Variants in PNPLA2 observed in about 807,000 individuals in gnomAD.
PNPLA2 encodes the protein patatin-like phospholipase domain-containing protein 2.
A neutral mutation model predicts 39.7 loss-of-function variants in PNPLA2; 28 were observed. That is an observed-to-expected ratio of 0.70 (90% CI 0.52 to 0.97). The LOEUF (loss-of-function observed/expected upper bound fraction) is 0.97, where lower values mean the gene tolerates loss of function less well. PNPLA2 is among the 50% of genes least tolerant of loss of function. The pLI, the probability that PNPLA2 is intolerant of heterozygous loss-of-function variation, is 0.00. For synonymous variants in PNPLA2, 392 were observed against 321.1 expected, an observed-to-expected ratio of 1.22 and a Z score of -2.36; for missense variants, 768 against 698.2, an observed-to-expected ratio of 1.10 and a Z score of -1.13.
chr11:824,885 C>T lies in PNPLA2; in HGVS notation c.*23C>T. ...TGAGACCCCGACCCTCTCGAGGAACCCTGCCTGAGACGCCTCCATTACCAC... is the reference window on the plus strand; with the variant it reads ...TGAGACCCCGACCCTCTCGAGGAACTCTGCCTGAGACGCCTCCATTACCAC... On this transcript the variant is annotated 3_prime_UTR_variant, in exon 10 of 10. Transcript: ENST00000336615. 15 of 1,512,096 alleles carry T rather than the reference C, an allele frequency of 9.9e-6. No individual in the cohort carries two copies. Among genetic ancestry groups the T allele is most frequent in the Non-Finnish European group, 1.3e-5 (15 of 1,125,420 alleles). 93.7% of individuals were successfully genotyped at this position (1,512,096 alleles called of 1,614,324 possible).
Position 819,706 on chromosome 11 carries a change from G to GGCC in PNPLA2, c.-4_-2dup, listed in dbSNP as rs781117901. 18 of 1,477,714 alleles carry GGCC rather than the reference G, an allele frequency of 1.2e-5. No individual in the cohort carries two copies. Among genetic ancestry groups the GGCC allele is most frequent in the Non-Finnish European group, 1.4e-5 (16 of 1,114,942 alleles). The allele number at this position is 1,477,714 out of a possible 1,614,324, so 91.5% of individuals were successfully genotyped here. ...CCGCCCACGGAACCCGGGGCCCGGC[G>GGCC]GCCGCCGCCGCGATGTTTCCCCGCG... is the stretch of plus-strand genomic sequence containing the variant. On this transcript the variant is annotated 5_prime_UTR_variant, in exon 2 of 10. Transcript: ENST00000336615.
rs150385364 is a variant in PNPLA2 at position 824,021 on chromosome 11, C to T, written c.943C>T (p.Pro315Ser). 6.0e-4 allele frequency: 967 copies of T among 1,609,606 alleles called. 1 individual carries two copies. Among genetic ancestry groups the T allele is most frequent in the South Asian group, 9.2e-4 (83 of 90,652 alleles). ...AGCCCTGCTGGAGGCCTGCGTGGAG[C>T]CCACGGACCTGCTGACCACCCTCTC... Reference protein sequence around the residue: ...NEALLEACVEPTDLLTTLSNM... With the variant: ...NEALLEACVESTDLLTTLSNM... The change falls in exon 8 of 10, where the codon CCC (proline) becomes TCC (serine). Residue 315 changes from proline (P) to serine (S), a missense_variant. By Grantham distance (74) the Pro-to-Ser change is moderately conservative. Coordinates refer to ENST00000336615, the MANE Select transcript of PNPLA2 (RefSeq NM_020376.4).
Position 824,762 on chromosome 11 carries a change from CG to C in PNPLA2, c.1417del (p.Asp473ThrfsTer16). 1 of 1,556,064 alleles carries C rather than the reference CG, an allele frequency of 6.4e-7. No individual in the cohort carries two copies. Among genetic ancestry groups the C allele is most frequent in the South Asian group, 1.2e-5 (1 of 86,098 alleles). On this transcript the variant is annotated frameshift_variant, in exon 10 of 10. Transcript: ENST00000336615. LOFTEE classifies it low-confidence loss of function (END_TRUNC). ...RAPADPAPAP[A>X]DPASPQHQLA... ...CCCGCCGACCCGGCTCCCGCCCCCG[CG>C]GACCCAGCATCCCCGCAGCACCAGC...
Position 823,696 on chromosome 11 carries a change from C to T in PNPLA2, c.760C>T (p.Leu254Phe). Residue 254 changes from leucine (L) to phenylalanine (F), a missense_variant and splice_region_variant, in exon 7 of 10, where the codon CTC becomes TTC. Leu to Phe is a conservative substitution (Grantham distance 22). Transcript: ENST00000336615. ...DGLRFLQRNGLLNRPNPLLAL... is the reference protein window; with the variant it reads ...DGLRFLQRNGFLNRPNPLLAL... ...ATCCCTTCTCTCCCCAACCCCAGGC[C>T]TCCTGAACCGGCCCAACCCCTTGCT... 1.2e-6 allele frequency: 2 copies of T among 1,606,830 alleles called. No homozygotes were observed. Among genetic ancestry groups the T allele is most frequent in the Non-Finnish European group, 1.7e-6 (2 of 1,177,248 alleles).
chr11:824,246 A>G, intron 8 of PNPLA2, 68 bp from the exon 9 acceptor site: 1 of 1,548,462 alleles, frequency 6.5e-7, no homozygotes, highest in South Asian at 1.2e-5. Flanking sequence ...CAGGGCACAG[A>G]CAGGGCCCGG....
At chr11:819,134 TCC>T (rs1262528587) in intron 1 of PNPLA2, among the ~76,000 whole-genome samples, 176 bp downstream of exon 1, 2 of 152,188 alleles carry the variant, frequency 1.3e-5, no homozygotes, top group East Asian at 1.9e-4. Context: ...GTCCCGGGGC[TCC>T]CGAGGCCTGT....
rs1453636538 is a variant in PNPLA2 at position 825,248 on chromosome 11, C to T, written c.*386C>T. The T allele has an allele frequency of 1.6e-5, 5 of 315,656 alleles. No homozygotes were observed. Among genetic ancestry groups the T allele is most frequent in the Non-Finnish European group, 3.0e-5 (5 of 166,756 alleles). 19.6% of individuals were successfully genotyped at this position (315,656 alleles called of 1,614,324 possible). ...TGCCCACTTTGTGTGTATGTGACCG[C>T]CTGCTTACTTGCAGTGAGAGCCTGG... On this transcript the variant is annotated 3_prime_UTR_variant, in exon 10 of 10. Coordinates refer to ENST00000336615, the MANE Select transcript of PNPLA2 (RefSeq NM_020376.4).
At position 823,709 on chromosome 11, in the gene PNPLA2, C is replaced by G; in HGVS notation, c.773C>G (p.Pro258Arg). 6.2e-7 allele frequency: 1 copy of G among 1,608,078 alleles called. No homozygotes were observed. Among genetic ancestry groups the G allele is most frequent in the Non-Finnish European group, 8.5e-7 (1 of 1,177,886 alleles). The change falls in exon 7 of 10, where the codon CCC becomes CGC. Residue 258 changes from proline to arginine, a missense_variant. Coordinates refer to ENST00000336615, the MANE Select transcript of PNPLA2 (RefSeq NM_020376.4). ...CCAACCCCAGGCCTCCTGAACCGGC[C>G]CAACCCCTTGCTGGCGTTGCCCCCC... The part of the protein sequence containing the change: ...FLQRNGLLNR[P>R]NPLLALPPAR...
At position 824,892 on chromosome 11, in the gene PNPLA2, G is replaced by C. The variant is rs1405001797; in HGVS notation, c.*30G>C. The C allele has an allele frequency of 6.7e-7, 1 of 1,496,066 alleles. No individual in the cohort carries two copies. The highest frequency in any genetic ancestry group is 9.0e-7 in the Non-Finnish European group (1 of 1,110,804). The allele number at this position is 1,496,066 out of a possible 1,614,324, so 92.7% of individuals were successfully genotyped here. ...CCGACCCTCTCGAGGAACCCTGCCT[G>C]AGACGCCTCCATTACCACTGCGCAG... On this transcript the variant is annotated 3_prime_UTR_variant, in exon 10 of 10. Coordinates refer to ENST00000336615, the MANE Select transcript of PNPLA2 (RefSeq NM_020376.4).
At position 825,066 on chromosome 11, in the gene PNPLA2, C is replaced by G. The variant is rs1056239470; in HGVS notation, c.*204C>G. 1.6e-6 allele frequency: 1 copy of G among 607,666 alleles called. No homozygotes were observed. The highest frequency in any genetic ancestry group is 2.9e-6 in the Non-Finnish European group (1 of 339,878). The allele number at this position is 607,666 out of a possible 1,614,324, so 37.6% of individuals were successfully genotyped here. A position where few individuals can be genotyped will look rare whatever the true frequency, so the allele number is the denominator to read the frequency against. On this transcript the variant is annotated 3_prime_UTR_variant, in exon 10 of 10. Transcript: ENST00000336615. ...CCGCGCACCTGTGCCTTAATCTTCC[C>G]TCCCCTGTGCTGCCCGAGCACCTCC... is the stretch of plus-strand genomic sequence containing the variant.
In PNPLA2 at chr11:823,568, G is replaced by A. The variant is rs766108538; in HGVS notation, c.738G>A (p.Leu246=). ...GCAAGCAGGGATACCGGGATGGCCTGCGCTTTCTGCAGCGGAACGGTGCGC... is the reference window on the plus strand; with the variant it reads ...GCAAGCAGGGATACCGGGATGGCCTACGCTTTCTGCAGCGGAACGGTGCGC... The part of the protein sequence containing the change: ...EMCKQGYRDG[L]RFLQRNGLLN... Residue 246 remains leucine, a synonymous_variant, in exon 6 of 10, where the codon CTG becomes CTA. Transcript: ENST00000336615. The A allele has an allele frequency of 8.7e-6, 14 of 1,611,226 alleles. No homozygotes were observed. Among genetic ancestry groups the A allele is most frequent in the Non-Finnish European group, 1.2e-5 (14 of 1,179,226 alleles).
chr11:824,146 G>A lies in PNPLA2; in HGVS notation c.1052+16G>A. The stretch of plus-strand genomic sequence containing the variant: ...TCACCATCCGGTGTGAGGGCTGGGG[G>A]GTCGGGAGAGGGGCCCAGGGGACGG... On this transcript the variant is annotated intron_variant, in intron 8 of 9. Transcript: ENST00000336615. The A allele has an allele frequency of 1.3e-6, 2 of 1,585,322 alleles. No homozygotes were observed. Among genetic ancestry groups the A allele is most frequent in the African/African-American group, 1.3e-5 (1 of 74,744 alleles).
chr11:822,483 T>A lies in PNPLA2; in HGVS notation c.573T>A (p.Ser191Arg). 2 of 1,613,946 alleles carry A rather than the reference T, an allele frequency of 1.2e-6. No homozygotes were observed. The highest frequency in any genetic ancestry group is 1.7e-6 in the Non-Finnish European group (2 of 1,179,938). Residue 191 changes from serine (S) to arginine (R), a missense_variant, in exon 5 of 10, where the codon AGT becomes AGA. Physicochemically the swap from Ser to Arg is moderately radical, Grantham distance 110. Coordinates refer to ENST00000336615, the MANE Select transcript of PNPLA2 (RefSeq NM_020376.4). ...CAGTGTCCCCCTTCTCGGGCGAGAG[T>A]GACATCTGTCCGCAGGACAGCTCCA... is the stretch of plus-strand genomic sequence containing the variant. ...TITVSPFSGE[S>R]DICPQDSSTN...
In PNPLA2 at chr11:824,716, GAAGC is replaced by G; in HGVS notation, c.1370_1373del (p.Glu457ValfsTer31). 1 of 1,587,614 alleles carries G rather than the reference GAAGC, an allele frequency of 6.3e-7. No homozygotes were observed. ...CTGCACCAACGTGGCCTTCCCGCCC[GAAGC>G]TCTGCGCATGCGCGCACCCGCCGAC... On this transcript the variant is annotated frameshift_variant, in exon 10 of 10. Coordinates refer to ENST00000336615, the MANE Select transcript of PNPLA2 (RefSeq NM_020376.4). LOFTEE classifies it low-confidence loss of function (END_TRUNC).
In PNPLA2 at chr11:819,892, C is replaced by G; in HGVS notation, c.174C>G (p.Thr58=). ...AGALTATALV[T]GVCLGEAGAK... Reference sequence around the variant, plus strand: ...CGCTCACGGCCACGGCGCTGGTCACCGGGGTCTGCCTGGGTGAGCGGGGCC... The same window carrying G: ...CGCTCACGGCCACGGCGCTGGTCACGGGGGTCTGCCTGGGTGAGCGGGGCC... The change falls in exon 2 of 10, where the codon ACC becomes ACG. Residue 58 remains threonine, a synonymous_variant. Coordinates refer to ENST00000336615, the MANE Select transcript of PNPLA2 (RefSeq NM_020376.4). 1 of 1,423,048 alleles carries G rather than the reference C, an allele frequency of 7.0e-7. No homozygotes were observed. Among genetic ancestry groups the G allele is most frequent in the Non-Finnish European group, 9.2e-7 (1 of 1,088,342 alleles). 88.2% of individuals were successfully genotyped at this position (1,423,048 alleles called of 1,614,324 possible).
At position 822,694 on chromosome 11, in the gene PNPLA2, C is replaced by G; in HGVS notation, c.696+88C>G. The G allele has an allele frequency of 1.2e-5, 14 of 1,159,434 alleles. No individual in the cohort carries two copies. In the South Asian group the frequency reaches 1.6e-4, roughly 13 times the overall value. The allele number at this position is 1,159,434 out of a possible 1,614,324, so 71.8% of individuals were successfully genotyped here. On this transcript the variant is annotated intron_variant, in intron 5 of 9. Coordinates refer to ENST00000336615, the MANE Select transcript of PNPLA2 (RefSeq NM_020376.4). ...CACTGATCCTTTGACTTCTGAGTGC[C>G]CAGGGTAGGGTGGTGGGAGCCTCTT...
In PNPLA2 at chr11:819,713, G is replaced by A; in HGVS notation, c.-6G>A. 6.8e-7 allele frequency: 1 copy of A among 1,480,776 alleles called. No homozygotes were observed. The highest frequency in any genetic ancestry group is 9.0e-7 in the Non-Finnish European group (1 of 1,115,702). The allele number at this position is 1,480,776 out of a possible 1,614,324, so 91.7% of individuals were successfully genotyped here. On this transcript the variant is annotated 5_prime_UTR_variant, in exon 2 of 10. Transcript: ENST00000336615. ...CGGAACCCGGGGCCCGGCGGCCGCC[G>A]CCGCGATGTTTCCCCGCGAGAAGAC...
chr11:822,565 C>T lies in PNPLA2; in HGVS notation c.655C>T (p.Leu219Phe), dbSNP rs140612115. The change falls in exon 5 of 10, where the codon CTC becomes TTC. Residue 219 changes from leucine (L) to phenylalanine (F), a missense_variant. Transcript: ENST00000336615. ...NTSIQFNLRN[L>F]YRLSKALFPP... is the part of the protein sequence containing the mutation. ...CAGCATCCAGTTCAACCTGCGCAAC[C>T]TCTACCGCCTCTCCAAGGCCCTCTT... 365 of 1,613,960 alleles carry T rather than the reference C, an allele frequency of 2.3e-4. No homozygotes were observed. Among genetic ancestry groups the T allele is most frequent in the Non-Finnish European group, 2.8e-4 (336 of 1,180,014 alleles).
rs1051792254 is a variant in PNPLA2, at chr11:819,605, C to G, written c.-114C>G. ...CGCCTCCGCCAGCGGGGACCCCGAG[C>G]TAGAGCCGCAGCGGGACCTGCCCGG... On this transcript the variant is annotated 5_prime_UTR_variant, in exon 2 of 10. Transcript: ENST00000336615. The G allele has an allele frequency of 7.8e-7, 1 of 1,290,242 alleles. No homozygotes were observed. The highest frequency in any genetic ancestry group is 1.6e-5 in the African/African-American group (1 of 63,818). The allele number at this position is 1,290,242 out of a possible 1,614,324, so 79.9% of individuals were successfully genotyped here. A position where few individuals can be genotyped will look rare whatever the true frequency, so the allele number is the denominator to read the frequency against.
Sources: gnomAD v4.1 joint callset for allele counts (sites outside exome capture counted in the v4.1 genomes callset) on GRCh38, gnomAD v4.1.1 for gene constraint, MANE v1.5 for transcripts, NCBI Gene and HGNC (gene_info 2026-07-23, HGNC 2026-07-21) for gene names.